The following KIAA0319 variants were observed in gnomAD, a reference collection of about 807,000 sequenced individuals.
The protein encoded by KIAA0319 is KIAA0319.
Under a neutral mutation model 108.4 loss-of-function variants are expected in KIAA0319, and 83 were observed. The observed-to-expected ratio is 0.77, with a 90% CI of 0.64 to 0.92. The LOEUF is 0.92. KIAA0319 is among the 40% of genes least tolerant of loss of function. The pLI is 0.00. For synonymous variants in KIAA0319, 484 were observed against 510.4 expected (o/e 0.95, Z 0.70); for missense variants, 1,195 against 1,322.4 (o/e 0.90, Z 1.49).
intron 1 of KIAA0319, among the ~76,000 whole-genome samples, chr6:24,609,281 A>AG (rs1276962151): frequency 6.7e-6 from 1 of 148,866 alleles, no homozygotes; most frequent in African/African-American, 2.5e-5. Context: ...AACAAAAAAA[A>AG]AAAAAAAAGA....
At chr6:24,588,833 C>G in intron 3 of KIAA0319, 48 bp from the exon 4 acceptor site, 1 of 1,463,196 alleles carries the variant, frequency 6.8e-7, no homozygotes, top group Non-Finnish European at 9.4e-7. Context: ...AAAAAACAGT[C>G]CAACTCTTCA....
chr6:24,644,978 A>T (rs1777430609), intron 1 of KIAA0319, among the ~76,000 whole-genome samples: 1 of 152,240 alleles, frequency 6.6e-6, no homozygotes, highest in Admixed American at 6.5e-5. Flanking sequence ...ATTTGGCATA[A>T]CTTTAGTAGT....
intron 1 of KIAA0319, among the ~76,000 whole-genome samples, chr6:24,641,315 TA>T (rs1399823860): frequency 6.6e-6 from 1 of 152,248 alleles, no homozygotes. Context: ...TCAATGGACA[TA>T]ACATTTAAAA....
intron 1 of KIAA0319, among the ~76,000 whole-genome samples, chr6:24,607,804 T>A (rs17248202): frequency 6.6e-6 from 1 of 152,086 alleles, no homozygotes; most frequent in Non-Finnish European, 1.5e-5. Flanking sequence ...TGCTTAAGTA[T>A]GCATTTTAAA....
chr6:24,599,367 GA>G lies in KIAA0319; in HGVS notation c.55+1681del, dbSNP rs1770255066. On this transcript the variant is annotated intron_variant, in intron 2 of 20. Coordinates refer to ENST00000378214, the MANE Select transcript of KIAA0319 (RefSeq NM_014809.4). This position sits in a 1 kb window ranked among gnomAD's most constrained non-coding sequence, Gnocchi z 4.1. ...CCTAGAGGCCACCATTGTGGATGCG[GA>G]GAAGCGTGGGGAGCTGGCCATTAAG... is the stretch of plus-strand genomic sequence containing the variant. 9.4e-6 allele frequency: 5 copies of G among 531,748 alleles called. No individual in the cohort carries two copies. Among genetic ancestry groups the G allele is most frequent in the South Asian group, 8.3e-5 (5 of 60,418 alleles). The allele number at this position is 531,748 out of a possible 1,614,324, so 32.9% of individuals were successfully genotyped here.
chr6:24,570,630 A>G (rs1764591198), intron 11 of KIAA0319, among the ~76,000 whole-genome samples: 3 of 145,106 alleles, frequency 2.1e-5, no homozygotes, highest in Admixed American at 1.4e-4. Context: ...AAAGGAAAGA[A>G]GGGTAAAATG....
intron 2 of KIAA0319, chr6:24,598,342 T>A (rs1770067947): frequency 1.5e-6 from 1 of 667,902 alleles, no homozygotes; most frequent in Non-Finnish European, 2.8e-6. Flanking sequence ...CAAGTTTACC[T>A]CCTTTATCAA....
intron 10 of KIAA0319, among the ~76,000 whole-genome samples, chr6:24,575,567 A>G (rs1765358072): frequency 6.6e-6 from 1 of 152,036 alleles, no homozygotes; most frequent in Non-Finnish European, 1.5e-5. Context: ...CCATAAATCT[A>G]CCTAGTCACT....
At chr6:24,621,393 A>G (rs1773909115) in intron 1 of KIAA0319, among the ~76,000 whole-genome samples, 1 of 152,194 alleles carries the variant, frequency 6.6e-6, no homozygotes, top group Non-Finnish European at 1.5e-5. Context: ...AAGAGAATTG[A>G]GCTCTCTAAA....
At chr6:24,629,831 T>C (rs909684028) in intron 1 of KIAA0319, among the ~76,000 whole-genome samples, 3 of 152,192 alleles carry the variant, frequency 2.0e-5, no homozygotes, top group African/African-American at 7.2e-5. Context: ...TGCATCTCTC[T>C]GCCTGGGCTC....
At chr6:24,586,045 C>A (rs1481057298) in intron 4 of KIAA0319, among the ~76,000 whole-genome samples, 1 of 152,108 alleles carries the variant, frequency 6.6e-6, no homozygotes, top group Admixed American at 6.5e-5. Context: ...GCCAAGGTCA[C>A]GCCACTGCAC....
chr6:24,589,645 C>A (rs1768143267), intron 3 of KIAA0319, among the ~76,000 whole-genome samples: 2 of 152,174 alleles, frequency 1.3e-5, no homozygotes, highest in African/African-American at 4.8e-5. Flanking sequence ...GAGGCCTCCC[C>A]AGCCATGTGG....
At chr6:24,628,019 T>G (rs142171326) in intron 1 of KIAA0319, among the ~76,000 whole-genome samples, 1 of 152,226 alleles carries the variant, frequency 6.6e-6, no homozygotes, top group Non-Finnish European at 1.5e-5. Context: ...TAATGAAAAG[T>G]TAGACATTAT....
At chr6:24,633,141 A>G (rs1228363229) in intron 1 of KIAA0319, among the ~76,000 whole-genome samples, 1 of 152,194 alleles carries the variant, frequency 6.6e-6, no homozygotes, top group East Asian at 1.9e-4. Flanking sequence ...CAAACTAATA[A>G]AAAAATCAGC....
intron 1 of KIAA0319, among the ~76,000 whole-genome samples, chr6:24,609,190 C>T (rs1407621050): frequency 1.4e-5 from 2 of 144,910 alleles, no homozygotes; most frequent in East Asian, 2.0e-4. Flanking sequence ...ATTGCTTGAA[C>T]TTGGAAGGTA....
chr6:24,563,345 T>C lies in KIAA0319; in HGVS notation c.2591+14A>G, dbSNP rs1763362465. 1.2e-6 allele frequency: 2 copies of C among 1,604,878 alleles called. No individual in the cohort carries two copies. Among genetic ancestry groups the C allele is most frequent in the African/African-American group, 1.3e-5 (1 of 74,802 alleles). On this transcript the variant is annotated intron_variant, in intron 16 of 20. Transcript: ENST00000378214. ...TGTACGGCCAAGGCCCCGCCTTGAG[T>C]GTGCAGCTCCTACCTGAGATCCGAG...
chr6:24,583,069 C>T (rs1175099728), intron 5 of KIAA0319: 1 of 985,010 alleles, frequency 1.0e-6, no homozygotes. Flanking sequence ...ACCTTAAAAA[C>T]AATGCATTTG....
intron 5 of KIAA0319, chr6:24,583,225 T>C: frequency 8.1e-6 from 8 of 992,190 alleles, no homozygotes; most frequent in Non-Finnish European, 8.4e-6. Context: ...TGCCACAGTA[T>C]CTGCAAACAA....
chr6:24,576,219 C>A, intron 10 of KIAA0319, 149 bp downstream of exon 10: 1 of 669,794 alleles, frequency 1.5e-6, no homozygotes. Context: ...GATTTGTGAG[C>A]TTAGGTCCTT....
Sources: allele counts gnomAD v4.1 joint callset (sites outside exome capture counted in the v4.1 genomes callset), GRCh38; gene constraint gnomAD v4.1.1; non-coding constraint Gnocchi (gnomAD v3.1); transcripts MANE v1.5; gene names NCBI Gene and HGNC (gene_info 2026-07-23, HGNC 2026-07-21).